Variants in NOL4 observed in about 807,000 individuals in gnomAD.
The protein encoded by NOL4 is nucleolar protein 4.
In NOL4, 17 loss-of-function variants were observed where a neutral mutation model predicts 75.9. The observed-to-expected ratio is 0.22, with a 90% CI of 0.15 to 0.34. The LOEUF (loss-of-function observed/expected upper bound fraction) is 0.34, where lower values mean the gene tolerates loss of function less well. NOL4 is among the 10% of genes least tolerant of loss of function. NOL4 has a pLI of 1.00. For missense variants in NOL4, 614 were observed against 793.5 expected (o/e 0.77, Z 2.72); for synonymous variants, 292 against 289.9 (o/e 1.01, Z -0.07).
At chr18:33,929,385 C>T (rs898587512) in intron 9 of NOL4, among the ~76,000 whole-genome samples, 15 of 152,268 alleles carry the variant, frequency 9.9e-5, no homozygotes, top group Middle Eastern at 6.8e-3. Context: ...CTTAACAGTT[C>T]CTCCTCTAGG....
At chr18:34,167,745 T>G (rs1435805446) in intron 1 of NOL4, among the ~76,000 whole-genome samples, 1 of 152,026 alleles carries the variant, frequency 6.6e-6, no homozygotes, top group Non-Finnish European at 1.5e-5. Flanking sequence ...GAGGCCTATC[T>G]GAGAGCAATT....
intron 6 of NOL4, among the ~76,000 whole-genome samples, chr18:33,970,710 ACTT>A (rs2070981496): frequency 6.6e-6 from 1 of 151,422 alleles, no homozygotes; most frequent in Non-Finnish European, 1.5e-5. Context: ...TGGAAAACTT[ACTT>A]CTTCAAGCTA....
intron 5 of NOL4, among the ~76,000 whole-genome samples, chr18:34,053,687 T>C (rs2076718080): frequency 6.6e-6 from 1 of 151,946 alleles, no homozygotes; most frequent in Non-Finnish European, 1.5e-5. Context: ...AGGAAACAGA[T>C]AAATGGTAAT....
intron 5 of NOL4, among the ~76,000 whole-genome samples, chr18:34,060,511 G>A (rs1389976808): frequency 2.6e-5 from 4 of 152,004 alleles, no homozygotes; most frequent in African/African-American, 7.3e-5. Context: ...TTATTAATGG[G>A]TGGTGTTTAT....
intron 5 of NOL4, among the ~76,000 whole-genome samples, chr18:34,062,915 C>T (rs530612972): frequency 1.6e-3 from 246 of 152,210 alleles, no homozygotes; most frequent in Non-Finnish European, 2.8e-3. Context: ...ACTGGTTGGA[C>T]ATTTTCAAAT....
At chr18:33,883,535 T>C (rs948125523) in intron 9 of NOL4, 111 bp from the exon 10 acceptor site, 1 of 714,468 alleles carries the variant, frequency 1.4e-6, no homozygotes, top group Non-Finnish European at 2.1e-6. Context: ...AAAAAATATA[T>C]AGTGAATGTT....
intron 1 of NOL4, among the ~76,000 whole-genome samples, chr18:34,203,738 C>CACACACAT: frequency 6.6e-6 from 1 of 150,520 alleles, no homozygotes. Context: ...CACACACACA[C>CACACACAT]ACACACACAC....
chr18:34,157,501 A>G (rs1370756381), intron 1 of NOL4, among the ~76,000 whole-genome samples: 1 of 152,160 alleles, frequency 6.6e-6, no homozygotes, highest in Non-Finnish European at 1.5e-5. Context: ...AGCTCAGAAA[A>G]AAGGTCTAGA....
intron 1 of NOL4, among the ~76,000 whole-genome samples, chr18:34,175,302 G>A (rs1480624203): frequency 6.6e-6 from 1 of 152,082 alleles, no homozygotes; most frequent in Non-Finnish European, 1.5e-5. Flanking sequence ...ATTTCACCCA[G>A]TGTGAAAAAC....
At chr18:34,049,074 G>GCGCACA (rs1446441451) in intron 5 of NOL4, among the ~76,000 whole-genome samples, 3 of 64,708 alleles carry the variant, frequency 4.6e-5, no homozygotes, top group African/African-American at 9.9e-5. Context: ...ACAGGCGCGC[G>GCGCACA]CACACACACA....
chr18:34,116,665 G>A (rs1600646518), intron 2 of NOL4, among the ~76,000 whole-genome samples: 1 of 151,994 alleles, frequency 6.6e-6, no homozygotes, highest in Non-Finnish European at 1.5e-5. Context: ...GTAACATAAA[G>A]TTAGAAAAAT....
intron 6 of NOL4, among the ~76,000 whole-genome samples, chr18:33,998,655 T>G (rs2073468858): frequency 6.6e-6 from 1 of 152,098 alleles, no homozygotes; most frequent in South Asian, 2.1e-4. Context: ...TGGACAACAC[T>G]TTTTAAATAT....
intron 9 of NOL4, among the ~76,000 whole-genome samples, chr18:33,912,906 C>T (rs551743893): frequency 9.2e-5 from 14 of 152,178 alleles, no homozygotes; most frequent in Middle Eastern, 3.4e-3. Context: ...AACATGAAAG[C>T]TCACTGGAAG....
intron 6 of NOL4, among the ~76,000 whole-genome samples, chr18:34,011,624 C>T (rs1477501943): frequency 2.0e-5 from 3 of 151,674 alleles, no homozygotes; most frequent in Non-Finnish European, 4.4e-5. Flanking sequence ...CAAGCACACA[C>T]ACACACTTAA....
At chr18:34,135,496 G>A (rs1164442042) in intron 1 of NOL4, among the ~76,000 whole-genome samples, 4 of 151,874 alleles carry the variant, frequency 2.6e-5, no homozygotes, top group Admixed American at 1.3e-4. Context: ...AGAAGATCGA[G>A]ATCATCCTCG....
intron 1 of NOL4, among the ~76,000 whole-genome samples, chr18:34,204,550 G>A (rs2035988336): frequency 6.6e-6 from 1 of 152,078 alleles, no homozygotes; most frequent in Non-Finnish European, 1.5e-5. Context: ...TAAATAGTGA[G>A]TAGGAAAAAA....
intron 5 of NOL4, among the ~76,000 whole-genome samples, chr18:34,047,050 A>G (rs1466598128): frequency 6.6e-6 from 1 of 152,144 alleles, no homozygotes; most frequent in African/African-American, 2.4e-5. Flanking sequence ...GCTATTAAGC[A>G]AAGTATAACC....
At chr18:34,071,468 C>G (rs1048235445) in intron 5 of NOL4, among the ~76,000 whole-genome samples, 3 of 151,596 alleles carry the variant, frequency 2.0e-5, no homozygotes, top group African/African-American at 7.3e-5. Context: ...CACACACACA[C>G]AGATGATCCC....
At chr18:34,089,043 G>A (rs1214052499) in intron 5 of NOL4, among the ~76,000 whole-genome samples, 1 of 151,798 alleles carries the variant, frequency 6.6e-6, no homozygotes, top group East Asian at 1.9e-4. Context: ...CCAACACAAC[G>A]CACATTTGAT....
Sources: gnomAD v4.1 joint callset for allele counts (sites outside exome capture counted in the v4.1 genomes callset) on GRCh38, gnomAD v4.1.1 for gene constraint, MANE v1.5 for transcripts, NCBI Gene and HGNC (gene_info 2026-07-23, HGNC 2026-07-21) for gene names.